The following GPC5 variants were observed in gnomAD, a reference collection of about 807,000 sequenced individuals.
GPC5 encodes the protein glypican-5.
GPC5 carries 47 observed loss-of-function variants against 53.9 expected under a neutral mutation model. That is an observed-to-expected ratio of 0.87 (90% CI 0.69 to 1.11). The LOEUF is 1.11. Among genes scored for constraint, GPC5 ranks in the 50% most tolerant of loss-of-function variants. GPC5 has a pLI of 0.00. For missense variants in GPC5, 748 were observed against 713.1 expected, an observed-to-expected ratio of 1.05 and a Z score of -0.56; for synonymous variants, 286 against 263.3, an observed-to-expected ratio of 1.09 and a Z score of -0.84.
intron 2 of GPC5, among the ~76,000 whole-genome samples, chr13:91,664,210 G>A (rs2035051659): frequency 6.6e-6 from 1 of 152,212 alleles, no homozygotes; most frequent in Non-Finnish European, 1.5e-5. Context: ...GGTGACATTT[G>A]CAAAGATTGT....
At chr13:91,870,060 T>A (rs1282664247) in intron 5 of GPC5, among the ~76,000 whole-genome samples, 1 of 152,196 alleles carries the variant, frequency 6.6e-6, no homozygotes, top group Non-Finnish European at 1.5e-5. Flanking sequence ...TTTGTGAGAA[T>A]GATTTCTCAC....
chr13:91,598,015 A>C (rs2033055539), intron 2 of GPC5, among the ~76,000 whole-genome samples: 1 of 152,148 alleles, frequency 6.6e-6, no homozygotes, highest in African/African-American at 2.4e-5. Context: ...GAAAATAGAG[A>C]CCATGAGAGA....
chr13:91,736,775 A>G (rs993232195), intron 4 of GPC5, among the ~76,000 whole-genome samples: 1 of 151,106 alleles, frequency 6.6e-6, no homozygotes, highest in East Asian at 1.9e-4. Context: ...TGTAGATCTA[A>G]TTGGCTTTTA....
intron 7 of GPC5, among the ~76,000 whole-genome samples, chr13:92,666,315 C>T (rs1886563268): frequency 1.3e-5 from 2 of 152,014 alleles, no homozygotes; most frequent in South Asian, 4.1e-4. Context: ...TGATACATAG[C>T]CACTGTATAT....
At chr13:91,935,669 G>T (rs2039863412) in intron 6 of GPC5, among the ~76,000 whole-genome samples, 1 of 151,950 alleles carries the variant, frequency 6.6e-6, no homozygotes, top group South Asian at 2.1e-4. Context: ...TTGATTGATG[G>T]GTGGTATAAT....
intron 6 of GPC5, among the ~76,000 whole-genome samples, chr13:91,920,812 T>C (rs2039704137): frequency 6.6e-6 from 1 of 151,936 alleles, no homozygotes; most frequent in African/African-American, 2.4e-5. Context: ...TGAAAGCATG[T>C]ACTCAGTTAA....
rs1348962631 is a variant in GPC5, at chr13:92,333,828, C to A, written c.1561+188839C>A. Among the ~76,000 whole-genome samples, 3 of 151,960 alleles carry A rather than the reference C, an allele frequency of 2.0e-5. No homozygotes were observed. The East Asian group carries it at 5.8e-4, about 29-fold the overall frequency. On this transcript the variant is annotated intron_variant, in intron 7 of 7. Coordinates refer to ENST00000377067, the MANE Select transcript of GPC5 (RefSeq NM_004466.6). ...TGACAGGGATATTGGAATTTTCAGA[C>A]TGGGAATTTTAACAAATATGATTAA...
intron 7 of GPC5, among the ~76,000 whole-genome samples, chr13:92,565,340 T>C (rs1403468898): frequency 1.3e-5 from 2 of 152,100 alleles, no homozygotes; most frequent in African/African-American, 4.8e-5. Context: ...TTTCTTTTCT[T>C]AAAGATTAGT....
intron 2 of GPC5, among the ~76,000 whole-genome samples, chr13:91,563,572 T>C (rs548914815): frequency 2.0e-5 from 3 of 152,330 alleles, no homozygotes; most frequent in South Asian, 4.1e-4. Flanking sequence ...TACTATGTTA[T>C]AAATAGAACG....
chr13:91,745,652 A>G (rs981677961), intron 4 of GPC5, among the ~76,000 whole-genome samples: 1 of 152,128 alleles, frequency 6.6e-6, no homozygotes, highest in Admixed American at 6.6e-5. Flanking sequence ...AAAGGTGCCT[A>G]TCTTTACGTC....
intron 2 of GPC5, among the ~76,000 whole-genome samples, chr13:91,577,738 T>A (rs2032192184): frequency 6.6e-6 from 1 of 152,196 alleles, no homozygotes; most frequent in African/African-American, 2.4e-5. Flanking sequence ...CAAAAAGTTG[T>A]TGATTTAAGG....
chr13:92,559,858 C>T (rs1882638127), intron 7 of GPC5, among the ~76,000 whole-genome samples: 1 of 151,308 alleles, frequency 6.6e-6, no homozygotes, highest in South Asian at 2.1e-4. Context: ...AGCCTCTCCA[C>T]CGCCTCCTCA....
chr13:92,303,951 C>T (rs1393892463), intron 7 of GPC5, among the ~76,000 whole-genome samples: 4 of 152,092 alleles, frequency 2.6e-5, no homozygotes, highest in Non-Finnish European at 4.4e-5. Flanking sequence ...AGGAAAAATG[C>T]TATTAGAAGA....
At chr13:92,002,731 A>C (rs9523474) in intron 6 of GPC5, among the ~76,000 whole-genome samples, 61,544 of 152,002 alleles carry the variant, frequency 0.4, 14,493 homozygotes, top group East Asian at 0.75. Context: ...ACCAAAAAAA[A>C]CTACTTTTAG....
At chr13:92,221,675 ATTC>A (rs1318098530) in intron 7 of GPC5, among the ~76,000 whole-genome samples, 1 of 152,068 alleles carries the variant, frequency 6.6e-6, no homozygotes, top group East Asian at 1.9e-4. Flanking sequence ...TTTTCTGCTT[ATTC>A]TTCTTGCGCA....
At chr13:92,403,505 C>G (rs78779332) in intron 7 of GPC5, among the ~76,000 whole-genome samples, 3 of 152,092 alleles carry the variant, frequency 2.0e-5, no homozygotes, top group Non-Finnish European at 4.4e-5. Flanking sequence ...TTGTGAGCTG[C>G]GCATGTGAGG....
chr13:92,504,408 C>T (rs1197475011), intron 7 of GPC5, among the ~76,000 whole-genome samples: 1 of 151,822 alleles, frequency 6.6e-6, no homozygotes, highest in Non-Finnish European at 1.5e-5. Flanking sequence ...AATGTTAATT[C>T]AACCCAAAAT....
At chr13:92,622,046 A>T (rs1289441750) in intron 7 of GPC5, among the ~76,000 whole-genome samples, 1 of 152,028 alleles carries the variant, frequency 6.6e-6, no homozygotes, top group Non-Finnish European at 1.5e-5. Flanking sequence ...CTCCATGTCC[A>T]TTCTCTATCT....
intron 2 of GPC5, among the ~76,000 whole-genome samples, chr13:91,584,306 G>C (rs1323272588): frequency 1.3e-5 from 2 of 152,216 alleles, no homozygotes; most frequent in African/African-American, 4.8e-5. Flanking sequence ...CAGTCATGTA[G>C]AAATACATTC....
Sources: allele counts gnomAD v4.1 joint callset (sites outside exome capture counted in the v4.1 genomes callset), GRCh38; gene constraint gnomAD v4.1.1; transcripts MANE v1.5; gene names NCBI Gene and HGNC (gene_info 2026-07-23, HGNC 2026-07-21).